JAK2: variants seen among roughly 807,000 people sequenced by gnomAD.
JAK2 encodes tyrosine-protein kinase JAK2.
A neutral mutation model predicts 139.3 loss-of-function variants in JAK2; 86 were observed. The ratio of observed to expected loss-of-function variants is 0.62; its 90% confidence interval spans 0.52 to 0.74. The LOEUF (loss-of-function observed/expected upper bound fraction) is 0.74. Among genes scored for constraint, JAK2 ranks in the 30% least tolerant of loss-of-function variants. JAK2 has a pLI of 0.00. For synonymous variants in JAK2, 490 were observed against 437.7 expected (o/e 1.12, Z -1.49); for missense variants, 1,421 against 1,360.3 (o/e 1.04, Z -0.70).
At chr9:5,035,704 T>G (rs577601503) in intron 4 of JAK2, among the ~76,000 whole-genome samples, 4 of 152,140 alleles carry the variant, frequency 2.6e-5, no homozygotes, top group Admixed American at 6.5e-5. Flanking sequence ...AAACTCTCAA[T>G]AAATTAGGTA....
chr9:5,116,563 A>C (rs1485462583), intron 22 of JAK2, among the ~76,000 whole-genome samples: 1 of 152,246 alleles, frequency 6.6e-6, no homozygotes, highest in Non-Finnish European at 1.5e-5. Context: ...GAGGTTAAAT[A>C]AAATTAGCTG....
intron 4 of JAK2, among the ~76,000 whole-genome samples, chr9:5,034,319 T>A (rs1823399207): frequency 6.6e-6 from 1 of 152,070 alleles, no homozygotes; most frequent in Non-Finnish European, 1.5e-5. Context: ...ACTGTCAACA[T>A]TAGACAGATC....
At chr9:5,042,642 G>C (rs1262799955) in intron 4 of JAK2, among the ~76,000 whole-genome samples, 2 of 151,760 alleles carry the variant, frequency 1.3e-5, no homozygotes, top group Non-Finnish European at 2.9e-5. Context: ...AGTCCAGCTT[G>C]TCTCCCTCAT....
intron 4 of JAK2, among the ~76,000 whole-genome samples, chr9:5,032,066 C>A (rs972127602): frequency 6.6e-6 from 1 of 152,240 alleles, no homozygotes; most frequent in Non-Finnish European, 1.5e-5. Flanking sequence ...CACTCTAATA[C>A]TGCGCTATTC....
chr9:5,071,362 T>C (rs897778602), intron 12 of JAK2, among the ~76,000 whole-genome samples: 1 of 152,126 alleles, frequency 6.6e-6, no homozygotes, highest in Non-Finnish European at 1.5e-5. Flanking sequence ...CTCCAGGAAC[T>C]TCCTATCACA....
chr9:5,033,006 T>TA, intron 4 of JAK2, among the ~76,000 whole-genome samples: 1 of 152,146 alleles, frequency 6.6e-6, no homozygotes, highest in South Asian at 2.1e-4. Flanking sequence ...GAAAAAAAAT[T>TA]AGACAAATGG....
intron 23 of JAK2, among the ~76,000 whole-genome samples, chr9:5,123,754 G>A (rs1371650235): frequency 6.6e-6 from 1 of 151,752 alleles, no homozygotes; most frequent in Admixed American, 6.6e-5. Context: ...TTGTACAAAT[G>A]CACATTCTCA....
At chr9:5,073,587 G>T in intron 13 of JAK2, 111 bp from the exon 14 acceptor site, 1 of 802,770 alleles carries the variant, frequency 1.2e-6, no homozygotes, top group Non-Finnish European at 2.1e-6. Context: ...CTCATCTATA[G>T]TCATGCTGAA....
intron 4 of JAK2, among the ~76,000 whole-genome samples, chr9:5,031,548 G>A (rs188366197): frequency 2.0e-4 from 31 of 152,220 alleles, no homozygotes; most frequent in Admixed American, 1.7e-3. Context: ...ACTTTATAAT[G>A]TATATCAGAT....
chr9:5,107,113 G>A (rs943354864), intron 22 of JAK2, among the ~76,000 whole-genome samples: 1 of 152,094 alleles, frequency 6.6e-6, no homozygotes, highest in Non-Finnish European at 1.5e-5. Context: ...TGTAGATGTA[G>A]TATGACTATT....
At chr9:5,097,316 A>T (rs1449801903) in intron 22 of JAK2, 3 of 152,002 alleles carry the variant, frequency 2.0e-5, no homozygotes, top group South Asian at 4.1e-4. Flanking sequence ...CTACTTTTTG[A>T]CCCTGCTGGT....
intron 16 of JAK2, among the ~76,000 whole-genome samples, chr9:5,079,066 CTGA>C (rs1415521235): frequency 4.6e-5 from 7 of 152,270 alleles, no homozygotes; most frequent in African/African-American, 1.7e-4. Flanking sequence ...TTTTTGTGCA[CTGA>C]TGTGTCCTAT....
At chr9:5,007,347 T>C (rs974456107) in intron 2 of JAK2, among the ~76,000 whole-genome samples, 2 of 152,182 alleles carry the variant, frequency 1.3e-5, no homozygotes, top group Non-Finnish European at 2.9e-5. Flanking sequence ...TCTATGAAAA[T>C]ATATTGATTA....
intron 16 of JAK2, among the ~76,000 whole-genome samples, chr9:5,079,969 TTGTG>T (rs573113527): frequency 2.4e-4 from 37 of 152,300 alleles, no homozygotes; most frequent in African/African-American, 7.2e-4. Context: ...TGCTAACAAA[TTGTG>T]TGGCTTTGGG....
chr9:5,097,836 C>G (rs1377339539), intron 22 of JAK2: 2 of 152,202 alleles, frequency 1.3e-5, no homozygotes, highest in African/African-American at 4.8e-5. Flanking sequence ...TCATAGGAGG[C>G]TTTACCACTG....
chr9:5,039,990 CTTAG>C (rs1816362782), intron 4 of JAK2, among the ~76,000 whole-genome samples: 2 of 152,210 alleles, frequency 1.3e-5, no homozygotes, highest in African/African-American at 4.8e-5. Context: ...AGCAAAGGGA[CTTAG>C]CATAGCTAAA....
At chr9:5,094,183 C>G (rs1265496005) in intron 22 of JAK2, 1 of 152,098 alleles carries the variant, frequency 6.6e-6, no homozygotes, top group East Asian at 1.9e-4. Context: ...CGCAAAGGAC[C>G]TGATACCGTA....
rs556679159 is a variant in JAK2 at position 5,028,668 on chromosome 9, C to G, written c.227-1115C>G. 6.6e-5 allele frequency among the ~76,000 whole-genome samples: 10 copies of G among 152,338 alleles called. No individual in the cohort carries two copies. In the South Asian group the frequency reaches 2.1e-3, roughly 32 times the overall value. ...TGATCTTTGTTAGATCTTTGGATAACTTGCTGCATCCTCTCCATCAACACT... is the reference window on the plus strand; with the variant it reads ...TGATCTTTGTTAGATCTTTGGATAAGTTGCTGCATCCTCTCCATCAACACT... On this transcript the variant is annotated intron_variant, in intron 3 of 24. Coordinates refer to ENST00000381652, the MANE Select transcript of JAK2 (RefSeq NM_004972.4).
chr9:5,087,696 C>T (rs1820240799), intron 19 of JAK2, among the ~76,000 whole-genome samples: 1 of 152,056 alleles, frequency 6.6e-6, no homozygotes, highest in South Asian at 2.1e-4. Context: ...ATACATTTTC[C>T]CACTGCTTAT....
Sources: allele counts gnomAD v4.1 joint callset (sites outside exome capture counted in the v4.1 genomes callset), GRCh38; gene constraint gnomAD v4.1.1; transcripts MANE v1.5; gene names NCBI Gene and HGNC (gene_info 2026-07-23, HGNC 2026-07-21).